Variants in DYNC2I1 observed in about 807,000 individuals in gnomAD.
DYNC2I1 encodes the protein dynein 2 intermediate chain 1, also known as cytoplasmic dynein 2 intermediate chain 1.
A neutral mutation model predicts 133.4 loss-of-function variants in DYNC2I1; 89 were observed. That is an observed-to-expected ratio of 0.67 (90% confidence interval 0.56 to 0.80). The LOEUF is 0.80. DYNC2I1 is among the 30% of genes least tolerant of loss of function. DYNC2I1 has a pLI of 0.00. For synonymous variants in DYNC2I1, 504 were observed against 484.3 expected, an observed-to-expected ratio of 1.04 and a Z score of -0.54; for missense variants, 1,291 against 1,314.5, an observed-to-expected ratio of 0.98 and a Z score of 0.28.
intron 17 of DYNC2I1, among the ~76,000 whole-genome samples, chr7:158,924,486 A>G (rs190774421): frequency 1.3e-5 from 2 of 152,268 alleles, no homozygotes; most frequent in East Asian, 3.9e-4. Context: ...GTATCTGTAC[A>G]TTGTACATAA....
the DYNC2I1 span, among the ~76,000 whole-genome samples, chr7:158,839,728 G>A: frequency 6.6e-6 from 1 of 152,076 alleles, no homozygotes; most frequent in African/African-American, 2.4e-5. Flanking sequence ...GCTGAGGCAG[G>A]AGAATGGCGT....
At chr7:158,883,863 A>G (rs1844319435) in intron 5 of DYNC2I1, among the ~76,000 whole-genome samples, 1 of 147,012 alleles carries the variant, frequency 6.8e-6, no homozygotes, top group Admixed American at 6.8e-5. Context: ...ACGGAGTTTC[A>G]CCGTGTTAGC....
At chr7:158,920,634 G>C (rs922419220) in intron 15 of DYNC2I1, among the ~76,000 whole-genome samples, 1 of 106,552 alleles carries the variant, frequency 9.4e-6, no homozygotes, top group African/African-American at 3.8e-5. Flanking sequence ...TGGGGAACTC[G>C]TGAAGTGTGT....
At chr7:158,858,216 ATTTC>A (rs1216966274) in intron 1 of DYNC2I1, among the ~76,000 whole-genome samples, 1 of 152,090 alleles carries the variant, frequency 6.6e-6, no homozygotes, top group Non-Finnish European at 1.5e-5. Flanking sequence ...TTCTCTTTAC[ATTTC>A]TTTAAGTTAC....
chr7:158,952,750 AG>A (rs1293506839), intron 4 of DYNC2I1, among the ~76,000 whole-genome samples: 2 of 151,660 alleles, frequency 1.3e-5, no homozygotes, highest in African/African-American at 4.9e-5. Context: ...TTGTGTGGAC[AG>A]GGAGAAAAGG....
At chr7:158,947,010 C>A (rs1851907939), downstream of DYNC2I1, among the ~76,000 whole-genome samples, 1 of 152,244 alleles carries the variant, frequency 6.6e-6, no homozygotes, top group Non-Finnish European at 1.5e-5. Context: ...ACCCGAGCAA[C>A]CGCCAGCCTT....
rs547453948 is a variant in DYNC2I1 at position 158,896,775 on chromosome 7, A to G, written c.1060-4964A>G. Among the ~76,000 whole-genome samples, 25 of 150,494 alleles carry G rather than the reference A, an allele frequency of 1.7e-4. No homozygotes were observed. The East Asian group carries it at 4.4e-3, about 27-fold the overall frequency. The stretch of plus-strand genomic sequence containing the variant: ...GGTGTGAGCCACTGTGCCTGGCCCT[A>G]TGTGATTCTTTGTATACATTGTTGG... On this transcript the variant is annotated intron_variant, in intron 8 of 24. Coordinates refer to ENST00000407559, the MANE Select transcript of DYNC2I1 (RefSeq NM_018051.5).
rs191819612 is a variant in DYNC2I1, at chr7:158,880,057, C to T, written c.879+68C>T. On this transcript the variant is annotated intron_variant, in intron 5 of 24. Coordinates refer to ENST00000407559, the MANE Select transcript of DYNC2I1 (RefSeq NM_018051.5). ...GCCGGCGCTTTCAGAGGAGGCTTAC[C>T]GGGCGGTGTCGCCAGACAAGGTTGA... 1,288 of 1,512,230 alleles carry T rather than the reference C, an allele frequency of 8.5e-4. 17 individuals are homozygous for T. In the East Asian group the frequency reaches 0.024, roughly 28 times the overall value. 93.7% of individuals were successfully genotyped at this position (1,512,230 alleles called of 1,614,324 possible).
At chr7:158,907,563 T>C (rs564321530) in intron 11 of DYNC2I1, among the ~76,000 whole-genome samples, 17 of 151,972 alleles carry the variant, frequency 1.1e-4, no homozygotes, top group African/African-American at 3.1e-4. Context: ...CTTTCCCTTT[T>C]CCTTTCCCTT....
intron 8 of DYNC2I1, among the ~76,000 whole-genome samples, chr7:158,899,696 G>A (rs1211478562): frequency 2.0e-5 from 3 of 152,076 alleles, no homozygotes; most frequent in Non-Finnish European, 4.4e-5. Flanking sequence ...GAGATCTGAT[G>A]GGTTTATCAG....
intron 1 of DYNC2I1, among the ~76,000 whole-genome samples, chr7:158,864,113 C>T (rs1461178816): frequency 9.2e-6 from 1 of 108,880 alleles, no homozygotes; most frequent in African/African-American, 3.9e-5. Flanking sequence ...GTCCTTAGCT[C>T]CGGGTGTGGG....
intron 15 of DYNC2I1, among the ~76,000 whole-genome samples, chr7:158,920,093 C>T (rs965389140): frequency 5.3e-5 from 8 of 150,986 alleles, no homozygotes; most frequent in Admixed American, 1.3e-4. Context: ...GCCGGGCCTC[C>T]GTCGGGGAAC....
At chr7:158,852,506 C>G (rs975604747), upstream of DYNC2I1, among the ~76,000 whole-genome samples, 7 of 151,644 alleles carry the variant, frequency 4.6e-5, no homozygotes, top group Admixed American at 6.6e-5. Flanking sequence ...TTTGGGAGGC[C>G]AAGGTGGGCA....
intron 8 of DYNC2I1, among the ~76,000 whole-genome samples, chr7:158,894,366 C>T (rs760765535): frequency 4.8e-4 from 73 of 152,146 alleles, no homozygotes; most frequent in Non-Finnish European, 6.9e-4. Flanking sequence ...TTTGCTTTCT[C>T]AGCATTGTAA....
At chr7:158,870,424 G>A (rs1842779042) in intron 2 of DYNC2I1, among the ~76,000 whole-genome samples, 3 of 152,044 alleles carry the variant, frequency 2.0e-5, no homozygotes, top group South Asian at 4.1e-4. Flanking sequence ...CGAAATCATA[G>A]CCCACTGCAG....
intron 12 of DYNC2I1, 92 bp downstream of exon 12, chr7:158,911,771 A>G: frequency 7.0e-7 from 1 of 1,424,896 alleles, no homozygotes; most frequent in Non-Finnish European, 9.4e-7. Context: ...CTGCAATATT[A>G]GAACTTGGGG....
Position 158,879,692 on chromosome 7 carries a change from C to T in DYNC2I1, c.582C>T (p.Tyr194=), listed in dbSNP as rs368847195. 1.5e-5 allele frequency: 24 copies of T among 1,579,672 alleles called. No individual in the cohort carries two copies. The highest frequency in any genetic ancestry group is 1.1e-4 in the African/African-American group (8 of 72,242). Reference sequence around the variant, plus strand: ...CTTGTCGTGTTTTACAGCTGCAGTACGGAGACAGCAAGGACAACCCTCTCA... The same window carrying T: ...CTTGTCGTGTTTTACAGCTGCAGTATGGAGACAGCAAGGACAACCCTCTCA... ...ERRYRERKLQ[Y]GDSKDNPLKY... The change falls in exon 5 of 25, where the codon TAC becomes TAT. Residue 194 remains tyrosine (Y), a synonymous_variant. Coordinates refer to ENST00000407559, the MANE Select transcript of DYNC2I1 (RefSeq NM_018051.5).
chr7:158,938,175 CAG>C (rs1850959214), intron 23 of DYNC2I1, among the ~76,000 whole-genome samples: 1 of 152,170 alleles, frequency 6.6e-6, no homozygotes, highest in South Asian at 2.1e-4. Flanking sequence ...ATTTAATAAT[CAG>C]ACTCTCAAAG....
At chr7:158,853,655 GTTT>G (rs34498148), upstream of DYNC2I1, among the ~76,000 whole-genome samples, 3 of 140,080 alleles carry the variant, frequency 2.1e-5, no homozygotes, top group South Asian at 2.3e-4. Context: ...GAGACCAGAG[GTTT>G]TTTTTTTTTT....
Sources: allele counts gnomAD v4.1 joint callset (sites outside exome capture counted in the v4.1 genomes callset), GRCh38; gene constraint gnomAD v4.1.1; transcripts MANE v1.5; gene names NCBI Gene and HGNC (gene_info 2026-07-23, HGNC 2026-07-21).